Variants in CLEC16A observed in about 807,000 individuals in gnomAD.
CLEC16A encodes the protein protein CLEC16A.
Under a neutral mutation model 109.5 loss-of-function variants are expected in CLEC16A, and 51 were observed. That is an observed-to-expected ratio of 0.47 (90% CI 0.37 to 0.59). The LOEUF is 0.59. Ranked by LOEUF, CLEC16A falls within the 20% of genes least tolerant of loss-of-function variation. The probability of loss-of-function intolerance (pLI) is 0.00; values close to 1 mark genes in which losing one functional copy is unlikely to be tolerated. For missense variants in CLEC16A, 1,339 were observed against 1,394.0 expected (o/e 0.96, Z 0.63); for synonymous variants, 673 against 564.2 (o/e 1.19, Z -2.73).
chr16:11,020,665 C>G (rs1386040568), intron 12 of CLEC16A, among the ~76,000 whole-genome samples: 1 of 152,218 alleles, frequency 6.6e-6, no homozygotes, highest in Admixed American at 6.5e-5. Context: ...AAGGAAGGAT[C>G]CCCTCAGTAG....
At chr16:10,958,165 A>G (rs189111871) in intron 2 of CLEC16A, among the ~76,000 whole-genome samples, 37 of 152,162 alleles carry the variant, frequency 2.4e-4, no homozygotes, top group African/African-American at 8.7e-4. Flanking sequence ...ATTTTCCTTC[A>G]GGTTGTGTCT....
intron 19 of CLEC16A, among the ~76,000 whole-genome samples, chr16:11,097,202 C>T (rs546159054): frequency 6.6e-6 from 1 of 152,334 alleles, no homozygotes; most frequent in South Asian, 2.1e-4. Context: ...ACTTCTTTGC[C>T]AATTGCCAAG....
intron 23 of CLEC16A, among the ~76,000 whole-genome samples, chr16:11,171,486 C>T (rs993227100): frequency 1.6e-4 from 25 of 152,138 alleles, no homozygotes; most frequent in Admixed American, 1.4e-3. Flanking sequence ...GGGGAGAGCC[C>T]GACACCCTCC....
At chr16:11,142,741 C>T (rs1376035999) in intron 22 of CLEC16A, among the ~76,000 whole-genome samples, 1 of 152,208 alleles carries the variant, frequency 6.6e-6, no homozygotes, top group Non-Finnish European at 1.5e-5. Context: ...TTATTGTCTT[C>T]ATGGATCTAC....
intron 2 of CLEC16A, among the ~76,000 whole-genome samples, chr16:10,959,231 AT>A (rs1249016755): frequency 6.6e-6 from 1 of 152,154 alleles, no homozygotes; most frequent in East Asian, 1.9e-4. Context: ...GTAGCTTTAT[AT>A]TTTCATCAGC....
chr16:11,024,846 G>A lies in CLEC16A; in HGVS notation c.1462G>A (p.Ala488Thr), dbSNP rs1480223399. The change falls in exon 13 of 24, where the codon GCG (alanine) becomes ACG (threonine). Residue 488 changes from alanine to threonine, a missense_variant. By Grantham distance (58) the Ala-to-Thr change is moderately conservative. Coordinates refer to ENST00000409790, the MANE Select transcript of CLEC16A (RefSeq NM_015226.3). ...ACCCTTCCTGGATATGGTGTACCAC[G>A]CGCTGGACAGCCCGGATGATGATTA... ...SRPFLDMVYH[A>T]LDSPDDDYHA... The A allele has an allele frequency of 5.0e-6, 8 of 1,606,440 alleles. No individual in the cohort carries two copies. Among genetic ancestry groups the A allele is most frequent in the Admixed American group, 1.7e-5 (1 of 59,106 alleles).
chr16:11,000,715 T>A (rs1451055580), intron 10 of CLEC16A, among the ~76,000 whole-genome samples: 1 of 152,182 alleles, frequency 6.6e-6, no homozygotes, highest in Non-Finnish European at 1.5e-5. Context: ...TTATGTGTCA[T>A]TTTTTTGTGG....
chr16:11,154,897 A>C (rs1403252987), intron 22 of CLEC16A, among the ~76,000 whole-genome samples: 1 of 152,124 alleles, frequency 6.6e-6, no homozygotes, highest in Non-Finnish European at 1.5e-5. Flanking sequence ...ATTGCACTCC[A>C]GTCTGGGCAA....
intron 19 of CLEC16A, among the ~76,000 whole-genome samples, chr16:11,083,243 G>T (rs2049832211): frequency 6.6e-6 from 1 of 152,160 alleles, no homozygotes. Context: ...GCTCACTACA[G>T]CATCAAACTC....
intron 11 of CLEC16A, among the ~76,000 whole-genome samples, chr16:11,007,624 A>G (rs1201401581): frequency 1.3e-5 from 2 of 152,230 alleles, no homozygotes; most frequent in African/African-American, 2.4e-5. Flanking sequence ...GGAGCTTTCT[A>G]CGAACCCTGG....
intron 19 of CLEC16A, among the ~76,000 whole-genome samples, chr16:11,084,963 G>A (rs1024444640): frequency 6.6e-6 from 1 of 152,250 alleles, no homozygotes; most frequent in African/African-American, 2.4e-5. Context: ...CACGGCCCAT[G>A]AGGGCCCTGA....
rs527288871 is a variant in CLEC16A at position 11,098,558 on chromosome 16, A to G, written c.2117-22057A>G. Among the ~76,000 whole-genome samples, 276 of 152,264 alleles carry G rather than the reference A, an allele frequency of 1.8e-3. 2 individuals carry two copies. Among genetic ancestry groups the G allele is most frequent in the African/African-American group, 6.3e-3 (261 of 41,538 alleles). On this transcript the variant is annotated intron_variant, in intron 19 of 23. Coordinates refer to ENST00000409790, the MANE Select transcript of CLEC16A (RefSeq NM_015226.3). ...CATCCATAATGGTATTTGGGATCTG[A>G]CAAGTCTCCAAACCACTTGTCCATA...
intron 22 of CLEC16A, among the ~76,000 whole-genome samples, chr16:11,146,548 A>G (rs2054065783): frequency 1.3e-5 from 2 of 150,764 alleles, no homozygotes; most frequent in African/African-American, 4.9e-5. Flanking sequence ...GGATGGGTAT[A>G]GAAGGATGGA....
At chr16:10,947,286 T>G (rs1192755736) in intron 1 of CLEC16A, among the ~76,000 whole-genome samples, 1 of 152,216 alleles carries the variant, frequency 6.6e-6, no homozygotes, top group Non-Finnish European at 1.5e-5. Context: ...CCACTCTGCA[T>G]TTGGCTCTGT....
intron 10 of CLEC16A, among the ~76,000 whole-genome samples, chr16:10,996,708 A>G (rs1049118920): frequency 5.9e-5 from 9 of 152,058 alleles, no homozygotes; most frequent in Non-Finnish European, 8.8e-5. Context: ...CAATAAATGC[A>G]GGATTCACCA....
intron 10 of CLEC16A, among the ~76,000 whole-genome samples, chr16:10,994,677 C>A (rs539149788): frequency 2.6e-5 from 4 of 151,986 alleles, no homozygotes; most frequent in South Asian, 4.1e-4. Flanking sequence ...GCACTCCAGC[C>A]TGGGTGACAA....
At chr16:11,106,455 A>G (rs1218680462) in intron 19 of CLEC16A, among the ~76,000 whole-genome samples, 1 of 115,452 alleles carries the variant, frequency 8.7e-6, no homozygotes, top group East Asian at 2.3e-4. Context: ...CACCCAGCCC[A>G]ATTTTTTTTT....
intron 19 of CLEC16A, among the ~76,000 whole-genome samples, chr16:11,100,738 G>C (rs1308777552): frequency 6.6e-6 from 1 of 152,210 alleles, no homozygotes; most frequent in African/African-American, 2.4e-5. Flanking sequence ...CTCAGTGTCA[G>C]ATGCTTATTA....
chr16:11,149,863 T>G (rs1478735207), intron 22 of CLEC16A: 1 of 152,162 alleles, frequency 6.6e-6, no homozygotes, highest in Non-Finnish European at 1.5e-5. Context: ...CAGTCATCAT[T>G]TGCCTTATTT....
Sources: gnomAD v4.1 joint callset for allele counts (sites outside exome capture counted in the v4.1 genomes callset) on GRCh38, gnomAD v4.1.1 for gene constraint, MANE v1.5 for transcripts, NCBI Gene and HGNC (gene_info 2026-07-23, HGNC 2026-07-21) for gene names.